The following GYS1 variants were observed in gnomAD, a reference collection of about 807,000 sequenced individuals.
The protein encoded by GYS1 is glycogen synthase 1.
In GYS1, 60 loss-of-function variants were observed where a neutral mutation model predicts 89.1. That is an observed-to-expected ratio of 0.67 (90% CI 0.55 to 0.84). GYS1 has a LOEUF of 0.84. Among genes scored for constraint, GYS1 ranks in the 40% least tolerant of loss-of-function variants. GYS1 has a pLI of 0.00. For synonymous variants in GYS1, 366 were observed against 401.7 expected, an observed-to-expected ratio of 0.91 and a Z score of 1.06; for missense variants, 888 against 1,003.1, an observed-to-expected ratio of 0.89 and a Z score of 1.55.
chr19:48,989,676 C>A (rs988670492), intron 2 of GYS1, among the ~76,000 whole-genome samples: 1 of 152,018 alleles, frequency 6.6e-6, no homozygotes, highest in Non-Finnish European at 1.5e-5. Context: ...CCTCTCACCT[C>A]GGCCTCCCAA....
intron 10 of GYS1, 70 bp downstream of exon 10, chr19:48,977,854 G>T (rs76237680): frequency 5.6e-5 from 64 of 1,151,158 alleles, no homozygotes; most frequent in Non-Finnish European, 1.1e-5. Flanking sequence ...TGGGGTCTGA[G>T]CTGGCCTGGC....
At chr19:48,971,664 C>T (rs373272172) in intron 12 of GYS1, among the ~76,000 whole-genome samples, 16 of 151,530 alleles carry the variant, frequency 1.1e-4, no homozygotes, top group East Asian at 7.8e-4. Context: ...AAGCGATTTT[C>T]GTGCCTTAGC....
At position 48,969,809 on chromosome 19, in the gene GYS1, T is replaced by C; in HGVS notation, c.1856A>G (p.Glu619Gly). The change falls in exon 15 of 16, where the codon GAG becomes GGG. Residue 619 changes from glutamate to glycine, a missense_variant. Coordinates refer to ENST00000323798, the MANE Select transcript of GYS1 (RefSeq NM_002103.5). ...RHMALSKAFPEHFTYEPNEAD... is the reference protein window; with the variant it reads ...RHMALSKAFPGHFTYEPNEAD... ...CTCGTTGGGCTCGTAGGTGAAGTGC[T>C]CTGGAAAGGCCTTGGACAGCGCCAT... The C allele has an allele frequency of 6.2e-7, 1 of 1,613,974 alleles. No individual in the cohort carries two copies. Among genetic ancestry groups the C allele is most frequent in the East Asian group, 2.2e-5 (1 of 44,880 alleles).
At chr19:48,976,124 G>C (rs901758674) in intron 10 of GYS1, among the ~76,000 whole-genome samples, 1 of 151,900 alleles carries the variant, frequency 6.6e-6, no homozygotes, top group Admixed American at 6.6e-5. Flanking sequence ...ACTGAGTCTA[G>C]GGGCCCGAGA....
At position 48,991,328 on chromosome 19, in the gene GYS1, C is replaced by T. The variant is rs1474044601; in HGVS notation, c.274G>A (p.Asp92Asn). 1.2e-6 allele frequency: 2 copies of T among 1,613,890 alleles called. No homozygotes were observed. The highest frequency in any genetic ancestry group is 1.7e-6 in the Non-Finnish European group (2 of 1,180,048). The change falls in exon 2 of 16, where the codon GAT becomes AAT. Residue 92 changes from aspartate (D) to asparagine (N), a missense_variant. Transcript: ENST00000323798. The surrounding 1 kb of genome is among the most constrained non-coding windows in gnomAD (Gnocchi z 4.7). ...TTGCAGCCCTTGCTGTTCATGGAAT[C>T]CAGTGTCCTCTTCAGGGCCGGGGTG... ...APTPALKRTL[D>N]SMNSKGCKVY...
chr19:48,976,330 T>C (rs1568619096), intron 10 of GYS1, among the ~76,000 whole-genome samples: 1 of 151,970 alleles, frequency 6.6e-6, no homozygotes, highest in African/African-American at 2.4e-5. Context: ...CCCCAGAGAA[T>C]GAAAGAACTC....
intron 13 of GYS1, 77 bp downstream of exon 13, chr19:48,970,851 A>G (rs2038553720): frequency 1.4e-6 from 2 of 1,421,280 alleles, no homozygotes; most frequent in Non-Finnish European, 1.0e-6. Context: ...CCAAGGGTGC[A>G]AGCTCCTCCT....
rs574739791 is a variant in GYS1, at chr19:48,969,467, C to T, written c.2035G>A (p.Glu679Lys). ...EEDGERYDED[E>K]EAAKDRRNIR... ...TTGCGCCGGTCCTTGGCGGCCTCCTCGTCCTCATCGTAGCGCTCGCCGTCT... is the reference window on the plus strand; with the variant it reads ...TTGCGCCGGTCCTTGGCGGCCTCCTTGTCCTCATCGTAGCGCTCGCCGTCT... Residue 679 changes from glutamate (E) to lysine (K), a missense_variant, in exon 16 of 16, where the codon GAG (glutamate) becomes AAG (lysine). Glu to Lys is a moderately conservative substitution (Grantham distance 56). Transcript: ENST00000323798. 1.1e-4 allele frequency: 175 copies of T among 1,545,110 alleles called. No homozygotes were observed. The highest frequency in any genetic ancestry group is 1.5e-4 in the Non-Finnish European group (167 of 1,146,940).
intron 11 of GYS1, 42 bp from the exon 12 acceptor site, chr19:48,974,381 A>G: frequency 6.8e-6 from 11 of 1,611,210 alleles, no homozygotes; most frequent in Non-Finnish European, 9.3e-6. Context: ...TGCCTTATTT[A>G]GCTAAGCCCT....
intron 10 of GYS1, among the ~76,000 whole-genome samples, chr19:48,975,911 C>CAAAAAA (rs760164673): frequency 1.5e-4 from 6 of 41,334 alleles, no homozygotes; most frequent in South Asian, 9.7e-4. Context: ...GACTCCGTCT[C>CAAAAAA]AAAAAAAAAA....
In GYS1 at chr19:48,977,908, G is replaced by A. The variant is rs2038684584; in HGVS notation, c.1308+16C>T. ...CCAGGAACTGCTATCTCTCTGCACA[G>A]AGGTCCAATCCATACCTGCGTTGCA... On this transcript the variant is annotated intron_variant, in intron 10 of 15. Coordinates refer to ENST00000323798, the MANE Select transcript of GYS1 (RefSeq NM_002103.5). The A allele has an allele frequency of 6.2e-7, 1 of 1,600,386 alleles. No homozygotes were observed. The highest frequency in any genetic ancestry group is 1.7e-5 in the Admixed American group (1 of 59,974).
intron 12 of GYS1, 21 bp from the exon 13 acceptor site, chr19:48,971,044 GACCCACTTAGCTTCCCTCATCGCCT>G (rs2038557393): frequency 2.0e-6 from 3 of 1,531,074 alleles, no homozygotes; most frequent in Non-Finnish European, 2.7e-6. Context: ...GCAGGAGAGA[GACCCACTTAGCTTCCCTCATCGCCT>G]ACCGTCTTAA....
At chr19:48,972,301 C>G (rs184289357) in intron 12 of GYS1, among the ~76,000 whole-genome samples, 1,578 of 151,314 alleles carry the variant, frequency 0.01, 33 homozygotes, top group African/African-American at 0.035. Context: ...TGCCACTGCA[C>G]TCCAGCCTGG....
chr19:48,969,518 C>A lies in GYS1; in HGVS notation c.1984G>T (p.Asp662Tyr). 6.5e-7 allele frequency: 1 copy of A among 1,543,242 alleles called. No homozygotes were observed. Among genetic ancestry groups the A allele is most frequent in the Non-Finnish European group, 8.7e-7 (1 of 1,146,756 alleles). ...TCCTCCAGCGGCCCGTTCCGGGGAT[C>A]CTCCTCGTCCTCACTCTGGTGCGGG... ...SSPHQSEDEE[D>Y]PRNGPLEEDG... The change falls in exon 16 of 16, where the codon GAT (aspartate) becomes TAT (tyrosine). Residue 662 changes from aspartate (D) to tyrosine (Y), a missense_variant. Transcript: ENST00000323798.
At position 48,982,841 on chromosome 19, in the gene GYS1, G is replaced by C; in HGVS notation, c.824-4C>G. On this transcript the variant is annotated splice_region_variant and splice_polypyrimidine_tract_variant and intron_variant, in intron 5 of 15. Coordinates refer to ENST00000323798, the MANE Select transcript of GYS1 (RefSeq NM_002103.5). ...AGCCCATTGGGGGTCACAATATCTG[G>C]GATTGGGGGTGAGGGTCCCATGTTT... 6.5e-7 allele frequency: 1 copy of C among 1,537,356 alleles called. No individual in the cohort carries two copies. Among genetic ancestry groups the C allele is most frequent in the Non-Finnish European group, 9.0e-7 (1 of 1,109,876 alleles).
chr19:48,972,210 C>A (rs181431293), intron 12 of GYS1, among the ~76,000 whole-genome samples: 4 of 151,648 alleles, frequency 2.6e-5, no homozygotes, highest in African/African-American at 4.8e-5. Flanking sequence ...TGGTGGCAGG[C>A]GCCTATAGTC....
In GYS1 at chr19:48,969,873, AGGGGG is replaced by A; in HGVS notation, c.1810-23_1810-19del. ...ATATAGTACTAGGGGAAAGGAGGAG[AGGGGG>A]CAGAGGATGTGAGAGCCAGGCCCCA... On this transcript the variant is annotated intron_variant, in intron 14 of 15. Coordinates refer to ENST00000323798, the MANE Select transcript of GYS1 (RefSeq NM_002103.5). 2 of 1,594,494 alleles carry A rather than the reference AGGGGG, an allele frequency of 1.3e-6. No homozygotes were observed. The highest frequency in any genetic ancestry group is 1.7e-6 in the Non-Finnish European group (2 of 1,162,824).
At position 48,981,712 on chromosome 19, in the gene GYS1, C is replaced by A. The variant is rs574578276; in HGVS notation, c.1063-76G>T. The A allele has an allele frequency of 3.5e-5, 31 of 879,320 alleles. No individual in the cohort carries two copies. The African/African-American group carries it at 4.6e-4, about 13-fold the overall frequency. The allele number at this position is 879,320 out of a possible 1,614,324, so 54.5% of individuals were successfully genotyped here. A position where few individuals can be genotyped will look rare whatever the true frequency, so the allele number is the denominator to read the frequency against. On this transcript the variant is annotated intron_variant, in intron 7 of 15. Coordinates refer to ENST00000323798, the MANE Select transcript of GYS1 (RefSeq NM_002103.5). ...GAACCAGCCAGCCTTTCTGTCAAGA[C>A]CACTGGGATCCTGCCATACCCATTC...
At chr19:48,972,019 G>A (rs941877040) in intron 12 of GYS1, among the ~76,000 whole-genome samples, 9 of 147,514 alleles carry the variant, frequency 6.1e-5, no homozygotes, top group South Asian at 2.2e-4. Context: ...ACAACACTAC[G>A]CATGGCTAAT....
Sources: gnomAD v4.1 joint callset for allele counts (sites outside exome capture counted in the v4.1 genomes callset) on GRCh38, gnomAD v4.1.1 for gene constraint, Gnocchi (gnomAD v3.1) non-coding constraint, MANE v1.5 for transcripts, NCBI Gene and HGNC (gene_info 2026-07-23, HGNC 2026-07-21) for gene names.